The following PCDHGA10 variants were observed in gnomAD, a reference collection of about 807,000 sequenced individuals.
PCDHGA10 encodes protocadherin gamma-A10.
PCDHGA10 carries 42 observed loss-of-function variants against 59.5 expected under a neutral mutation model. The observed-to-expected ratio is 0.71, with a 90% CI of 0.55 to 0.91. The LOEUF (loss-of-function observed/expected upper bound fraction) is 0.91. Among genes scored for constraint, PCDHGA10 ranks in the 40% least tolerant of loss-of-function variants. The pLI is 0.00. For synonymous variants in PCDHGA10, 511 were observed against 517.2 expected (o/e 0.99, Z 0.16); for missense variants, 1,111 against 1,198.2 (o/e 0.93, Z 1.07).
At chr5:141,421,699 G>T (rs751572007) in intron 1 of PCDHGA10, 1 of 1,613,928 alleles carries the variant, frequency 6.2e-7, no homozygotes, top group Admixed American at 1.7e-5. Flanking sequence ...TCTTCCTAAT[G>T]CTAGGGATCC....
chr5:141,509,663 G>A (rs933532930), intron 3 of PCDHGA10, among the ~76,000 whole-genome samples: 1 of 152,140 alleles, frequency 6.6e-6, no homozygotes, highest in Non-Finnish European at 1.5e-5. Context: ...ACTTCTCTGG[G>A]CCCCAGTTTC....
At chr5:141,505,564 G>GGATGTCAAACCTGTGTAGTTTCTCCA in intron 3 of PCDHGA10, 83 bp downstream of exon 3, 1 of 1,603,196 alleles carries the variant, frequency 6.2e-7, no homozygotes, top group Non-Finnish European at 8.5e-7. Context: ...CCCACGGACT[G>GGATGTCAAACCTGTGTAGTTTCTCCA]GATGTCAAAC....
At chr5:141,475,161 A>G (rs1433985907) in intron 1 of PCDHGA10, among the ~76,000 whole-genome samples, 1 of 152,138 alleles carries the variant, frequency 6.6e-6, no homozygotes, top group Non-Finnish European at 1.5e-5. Context: ...CTTCTTCATT[A>G]GCAGTGCAAC....
At chr5:141,418,987 A>T (rs1244429131) in intron 1 of PCDHGA10, 2 of 1,613,856 alleles carry the variant, frequency 1.2e-6, no homozygotes, top group Non-Finnish European at 1.7e-6. Flanking sequence ...ACCAAGACTC[A>T]GGGGAAAATG....
chr5:141,432,808 C>T lies in PCDHGA10; in HGVS notation c.2436+17197C>T, dbSNP rs1473886709. ...TCGGCAGCCTCGAGTCTCCAGCTAA[C>T]TCTGAAACCTCAGACCTCACTCTGT... On this transcript the variant is annotated intron_variant, in intron 1 of 3. Transcript: ENST00000398610. This position sits in a 1 kb window ranked among gnomAD's most constrained non-coding sequence, Gnocchi z 6.0. 6.2e-7 allele frequency: 1 copy of T among 1,613,486 alleles called. No homozygotes were observed. Among genetic ancestry groups the T allele is most frequent in the African/African-American group, 1.3e-5 (1 of 74,426 alleles).
chr5:141,478,049 A>G, intron 1 of PCDHGA10: 2 of 1,614,056 alleles, frequency 1.2e-6, no homozygotes, highest in Middle Eastern at 3.3e-4. Flanking sequence ...GCAGACTCTC[A>G]CGGTCTTGAT....
rs376621545 is a variant in PCDHGA10, at chr5:141,422,143, G to A, written c.2436+6532G>A. The stretch of plus-strand genomic sequence containing the variant: ...ACAAACTGGAGAAGTTCAAGTACGG[G>A]GGTCTCTGGATTTTGAAAAATATAG... On this transcript the variant is annotated intron_variant, in intron 1 of 3. Transcript: ENST00000398610. 36 of 1,583,638 alleles carry A rather than the reference G, an allele frequency of 2.3e-5. No individual in the cohort carries two copies. The African/African-American group carries it at 3.8e-4, about 17-fold the overall frequency.
chr5:141,447,208 C>T (rs1226099966), intron 1 of PCDHGA10, among the ~76,000 whole-genome samples: 1 of 152,078 alleles, frequency 6.6e-6, no homozygotes, highest in Non-Finnish European at 1.5e-5. Flanking sequence ...GGCTTGATCT[C>T]GGCTCACTGC....
At chr5:141,498,679 C>G (rs1454800332) in intron 2 of PCDHGA10, among the ~76,000 whole-genome samples, 1 of 152,170 alleles carries the variant, frequency 6.6e-6, no homozygotes, top group Admixed American at 6.5e-5. Flanking sequence ...CGCCTGTAAT[C>G]CCAGCACTTT....
At chr5:141,423,150 G>T in intron 1 of PCDHGA10, 1 of 1,613,538 alleles carries the variant, frequency 6.2e-7, no homozygotes, top group Non-Finnish European at 8.5e-7. Flanking sequence ...CGCTCAAGCA[G>T]AGCCTCGTGG....
In PCDHGA10 at chr5:141,432,613, G is replaced by A. The variant is rs1461837957; in HGVS notation, c.2436+17002G>A. 6.2e-7 allele frequency: 1 copy of A among 1,613,946 alleles called. No homozygotes were observed. The highest frequency in any genetic ancestry group is 1.3e-5 in the African/African-American group (1 of 75,056). On this transcript the variant is annotated intron_variant, in intron 1 of 3. Coordinates refer to ENST00000398610, the MANE Select transcript of PCDHGA10 (RefSeq NM_018913.3). The surrounding 1 kb of genome is among the most constrained non-coding windows in gnomAD (Gnocchi z 6.0). ...AGGCCAGCGAGCCGGGACTCTTCTC[G>A]GTGGGTCTGCACACGGGCGAGGTGC...
chr5:141,422,800 C>A (rs1470748782), intron 1 of PCDHGA10: 1 of 1,614,094 alleles, frequency 6.2e-7, no homozygotes, highest in Non-Finnish European at 8.5e-7. Flanking sequence ...CGACTATGAG[C>A]AGTTTCGAGA....
At position 141,432,716 on chromosome 5, in the gene PCDHGA10, C is replaced by A; in HGVS notation, c.2436+17105C>A. 6.2e-7 allele frequency: 1 copy of A among 1,614,030 alleles called. No individual in the cohort carries two copies. The highest frequency in any genetic ancestry group is 1.1e-5 in the South Asian group (1 of 91,084). ...GGCCGTCCAGGACCACGGCCAGCCC[C>A]CTCTCTCCGCCACTGTCACGCTCAC... On this transcript the variant is annotated intron_variant, in intron 1 of 3. Transcript: ENST00000398610. This position sits in a 1 kb window ranked among gnomAD's most constrained non-coding sequence, Gnocchi z 6.0.
chr5:141,427,793 G>C, intron 1 of PCDHGA10: 1 of 1,495,528 alleles, frequency 6.7e-7, no homozygotes, highest in Non-Finnish European at 9.2e-7. Flanking sequence ...CGTCCTACGT[G>C]TCCGTGAGCG....
chr5:141,416,441 T>C (rs2096024396), intron 1 of PCDHGA10: 1 of 152,162 alleles, frequency 6.6e-6, no homozygotes, highest in Non-Finnish European at 1.5e-5. Flanking sequence ...TGAAAGTAAA[T>C]ATGGGTTGGG....
At chr5:141,457,514 CAATT>C (rs1258794594) in intron 1 of PCDHGA10, among the ~76,000 whole-genome samples, 2 of 152,260 alleles carry the variant, frequency 1.3e-5, no homozygotes, top group African/African-American at 4.8e-5. Context: ...AGCTTAAAAA[CAATT>C]AATGAGACTA....
At chr5:141,468,737 G>A (rs1288031024) in intron 1 of PCDHGA10, among the ~76,000 whole-genome samples, 1 of 151,948 alleles carries the variant, frequency 6.6e-6, no homozygotes, top group African/African-American at 2.4e-5. Context: ...GTGGTGGCGG[G>A]TGCCTGTAGT....
Position 141,485,096 on chromosome 5 carries a change from CCAG to C in PCDHGA10, c.2437-9709_2437-9707del. The C allele has an allele frequency of 8.9e-7, 1 of 1,125,684 alleles. No homozygotes were observed. The highest frequency in any genetic ancestry group is 1.3e-6 in the Non-Finnish European group (1 of 759,466). 69.7% of individuals were successfully genotyped at this position (1,125,684 alleles called of 1,614,324 possible). A position where few individuals can be genotyped will look rare whatever the true frequency, so the allele number is the denominator to read the frequency against. ...CGCGGGGAAAGGGAGATAGGTGTCTCCAGCTGCTGTGGCTGTTTGGGGCGGGTC... is the reference window on the plus strand; with the variant it reads ...CGCGGGGAAAGGGAGATAGGTGTCTCCTGCTGTGGCTGTTTGGGGCGGGTC... On this transcript the variant is annotated intron_variant, in intron 1 of 3. Transcript: ENST00000398610. The surrounding 1 kb of genome is among the most constrained non-coding windows in gnomAD (Gnocchi z 5.7).
chr5:141,483,444 T>C (rs956913442), intron 1 of PCDHGA10, among the ~76,000 whole-genome samples: 1 of 152,108 alleles, frequency 6.6e-6, no homozygotes, highest in African/African-American at 2.4e-5. Context: ...TACAATAAAA[T>C]CATCAGGACT....
Sources: gnomAD v4.1 joint callset for allele counts (sites outside exome capture counted in the v4.1 genomes callset) on GRCh38, gnomAD v4.1.1 for gene constraint, Gnocchi (gnomAD v3.1) non-coding constraint, MANE v1.5 for transcripts, NCBI Gene and HGNC (gene_info 2026-07-23, HGNC 2026-07-21) for gene names.